ARHGAP10: variants seen among roughly 807,000 people sequenced by gnomAD.
The protein encoded by ARHGAP10 is Rho GTPase activating protein 10, also known as rho GTPase-activating protein 10.
ARHGAP10 carries 87 observed loss-of-function variants against 108.6 expected under a neutral mutation model. The ratio of observed to expected loss-of-function variants is 0.80; its 90% CI spans 0.67 to 0.96. ARHGAP10 has a LOEUF of 0.96. Ranked by LOEUF, ARHGAP10 falls within the 40% of genes least tolerant of loss-of-function variation. The pLI is 0.00. For synonymous variants in ARHGAP10, 347 were observed against 341.1 expected (o/e 1.02, Z -0.19); for missense variants, 939 against 954.5 (o/e 0.98, Z 0.21).
At chr4:147,768,914 T>A (rs1316117799) in intron 1 of ARHGAP10, among the ~76,000 whole-genome samples, 1 of 152,064 alleles carries the variant, frequency 6.6e-6, no homozygotes, top group Non-Finnish European at 1.5e-5. Flanking sequence ...AATTTTGTAT[T>A]TTTAGTGGAG....
At chr4:148,062,255 C>A (rs575521774) in intron 20 of ARHGAP10, among the ~76,000 whole-genome samples, 1 of 152,256 alleles carries the variant, frequency 6.6e-6, no homozygotes, top group South Asian at 2.1e-4. Flanking sequence ...GGTGCTAGTT[C>A]TCCGGCAGGG....
intron 19 of ARHGAP10, among the ~76,000 whole-genome samples, chr4:148,040,963 G>C (rs1728611128): frequency 6.6e-6 from 1 of 152,004 alleles, no homozygotes; most frequent in Non-Finnish European, 1.5e-5. Flanking sequence ...ACTTTCTTTT[G>C]ATCCTATTAA....
chr4:147,890,826 C>CA (rs993944801), intron 10 of ARHGAP10, among the ~76,000 whole-genome samples: 29 of 150,114 alleles, frequency 1.9e-4, no homozygotes, highest in Admixed American at 1.0e-3. Context: ...GACTCCATCA[C>CA]AAAAAAAACA....
intron 16 of ARHGAP10, among the ~76,000 whole-genome samples, chr4:147,964,085 C>T (rs1351155964): frequency 6.6e-6 from 1 of 152,212 alleles, no homozygotes; most frequent in South Asian, 2.1e-4. Flanking sequence ...CTGCCCCTCC[C>T]AGGGCTGGCC....
At chr4:147,916,864 T>G (rs1046287211) in intron 13 of ARHGAP10, 5 of 152,224 alleles carry the variant, frequency 3.3e-5, no homozygotes, top group African/African-American at 1.2e-4. Context: ...AATTGCCCCT[T>G]GTTAGTATAA....
intron 10 of ARHGAP10, among the ~76,000 whole-genome samples, chr4:147,888,391 T>C (rs1735656674): frequency 6.6e-6 from 1 of 152,200 alleles, no homozygotes; most frequent in Admixed American, 6.5e-5. Context: ...TGAATGGTGA[T>C]TGTTTTTTGA....
At chr4:147,973,727 C>T (rs974676480) in intron 18 of ARHGAP10, among the ~76,000 whole-genome samples, 3 of 152,158 alleles carry the variant, frequency 2.0e-5, no homozygotes, top group Non-Finnish European at 4.4e-5. Flanking sequence ...ATTCTGTTCT[C>T]TATCTTCATG....
chr4:147,870,833 A>G lies in ARHGAP10; in HGVS notation c.702+4017A>G, dbSNP rs1734786084. ...ATTTTAGGATTTGTAAAGAGTCCCT[A>G]GAAGATAACAAGAATGGGTAGGAAG... On this transcript the variant is annotated intron_variant, in intron 7 of 22. Transcript: ENST00000336498. 2.0e-5 allele frequency among the ~76,000 whole-genome samples: 3 copies of G among 152,178 alleles called. No homozygotes were observed. In the South Asian group the frequency reaches 6.2e-4, roughly 32 times the overall value.
intron 3 of ARHGAP10, among the ~76,000 whole-genome samples, chr4:147,836,432 A>G (rs1298800364): frequency 6.6e-6 from 1 of 152,244 alleles, no homozygotes; most frequent in Non-Finnish European, 1.5e-5. Context: ...GTATGAAAGC[A>G]GAAGTGTGAT....
chr4:147,948,139 T>C (rs1738459174), intron 15 of ARHGAP10, among the ~76,000 whole-genome samples: 1 of 152,116 alleles, frequency 6.6e-6, no homozygotes. Flanking sequence ...AGACAGGGTT[T>C]CGCTGTGTTG....
At chr4:148,055,195 A>G (rs937543507) in intron 20 of ARHGAP10, among the ~76,000 whole-genome samples, 3 of 152,226 alleles carry the variant, frequency 2.0e-5, no homozygotes, top group African/African-American at 4.8e-5. Context: ...GCTCTAAGAG[A>G]GTGGACTTTG....
intron 13 of ARHGAP10, among the ~76,000 whole-genome samples, chr4:147,921,101 G>A (rs1364642061): frequency 6.6e-6 from 1 of 152,204 alleles, no homozygotes; most frequent in East Asian, 1.9e-4. Context: ...TTATAAGCGA[G>A]GTAACTGATT....
chr4:147,757,917 A>G (rs1483400500), intron 1 of ARHGAP10, among the ~76,000 whole-genome samples: 1 of 152,046 alleles, frequency 6.6e-6, no homozygotes, highest in Non-Finnish European at 1.5e-5. Flanking sequence ...CTGCTACCTC[A>G]CCAGGGCCAG....
intron 18 of ARHGAP10, among the ~76,000 whole-genome samples, chr4:148,010,704 T>C (rs1741136600): frequency 6.6e-6 from 1 of 152,196 alleles, no homozygotes. Flanking sequence ...ATGACTCTAA[T>C]TGTGGCCCGT....
Position 147,827,696 on chromosome 4 carries a change from C to T in ARHGAP10, c.312+4739C>T, listed in dbSNP as rs1362186844. On this transcript the variant is annotated intron_variant, in intron 3 of 22. Coordinates refer to ENST00000336498, the MANE Select transcript of ARHGAP10 (RefSeq NM_024605.4). ...TTTTTAACTTAAAAGTTTTAGAAAC[C>T]ATCAGCATGTTAAAAGCCACAGATT... Among the ~76,000 whole-genome samples, 3 of 151,986 alleles carry T rather than the reference C, an allele frequency of 2.0e-5. 1 individual carries two copies. Among genetic ancestry groups the T allele is most frequent in the African/African-American group, 7.3e-5 (3 of 41,352 alleles).
chr4:147,970,414 G>C (rs1053640868), intron 18 of ARHGAP10, among the ~76,000 whole-genome samples: 12 of 151,784 alleles, frequency 7.9e-5, no homozygotes, highest in African/African-American at 2.9e-4. Flanking sequence ...AAACATTACA[G>C]TAATGGATGG....
At chr4:147,975,591 G>A (rs559306336) in intron 18 of ARHGAP10, among the ~76,000 whole-genome samples, 1 of 152,180 alleles carries the variant, frequency 6.6e-6, no homozygotes, top group Admixed American at 6.5e-5. Context: ...TGTGAAAAAG[G>A]AGTGACAGAC....
At chr4:147,896,913 T>C (rs1327714336) in intron 10 of ARHGAP10, among the ~76,000 whole-genome samples, 3 of 152,178 alleles carry the variant, frequency 2.0e-5, no homozygotes, top group African/African-American at 7.2e-5. Flanking sequence ...TGTAATATTA[T>C]TGCTTTTTTT....
At chr4:148,055,427 G>A (rs372285261) in intron 20 of ARHGAP10, among the ~76,000 whole-genome samples, 2 of 152,150 alleles carry the variant, frequency 1.3e-5, no homozygotes, top group East Asian at 3.9e-4. Context: ...GGTGGCATAC[G>A]CCTGTAATCC....
Sources: allele counts gnomAD v4.1 joint callset (sites outside exome capture counted in the v4.1 genomes callset), GRCh38; gene constraint gnomAD v4.1.1; transcripts MANE v1.5; gene names NCBI Gene and HGNC (gene_info 2026-07-23, HGNC 2026-07-21).